FAM171A1: variants seen among roughly 807,000 people sequenced by gnomAD.
The protein encoded by FAM171A1 is protein FAM171A1.
FAM171A1 carries 23 observed loss-of-function variants against 74.9 expected under a neutral mutation model. The ratio of observed to expected loss-of-function variants is 0.31; its 90% CI spans 0.22 to 0.44. The LOEUF (loss-of-function observed/expected upper bound fraction) is 0.44. Ranked by LOEUF, FAM171A1 falls within the 20% of genes least tolerant of loss-of-function variation. FAM171A1 has a pLI of 1.00. For synonymous variants in FAM171A1, 527 were observed against 505.7 expected (o/e 1.04, Z -0.57); for missense variants, 1,162 against 1,159.2 (o/e 1.00, Z -0.03).
intron 4 of FAM171A1, among the ~76,000 whole-genome samples, chr10:15,251,525 C>T (rs553796560): frequency 4.6e-5 from 7 of 151,952 alleles, no homozygotes; most frequent in Non-Finnish European, 7.4e-5. Context: ...GCCTCAGCCT[C>T]CTGAGTAGCT....
At chr10:15,335,184 C>T (rs1588559894) in intron 1 of FAM171A1, among the ~76,000 whole-genome samples, 1 of 152,180 alleles carries the variant, frequency 6.6e-6, no homozygotes, top group Admixed American at 6.5e-5. Context: ...GTGGAATTTG[C>T]AGTGAGCAGA....
chr10:15,314,660 G>A (rs1167288322), intron 1 of FAM171A1, among the ~76,000 whole-genome samples: 6 of 152,176 alleles, frequency 3.9e-5, no homozygotes, highest in Admixed American at 2.6e-4. Flanking sequence ...CTATTATTTC[G>A]GGGGAAAGAG....
chr10:15,250,458 A>C (rs1834493323), intron 4 of FAM171A1, among the ~76,000 whole-genome samples: 1 of 152,224 alleles, frequency 6.6e-6, no homozygotes, highest in Non-Finnish European at 1.5e-5. Flanking sequence ...AGGAAGATGG[A>C]ACTTACAACT....
At chr10:15,339,831 A>T (rs1835743836) in intron 1 of FAM171A1, among the ~76,000 whole-genome samples, 1 of 152,216 alleles carries the variant, frequency 6.6e-6, no homozygotes, top group Non-Finnish European at 1.5e-5. Flanking sequence ...ATGGACTCAC[A>T]GTTCCGTGTG....
chr10:15,355,806 G>A (rs1410346970), intron 1 of FAM171A1, among the ~76,000 whole-genome samples: 2 of 151,984 alleles, frequency 1.3e-5, no homozygotes, highest in African/African-American at 4.8e-5. Flanking sequence ...CATACCTGTG[G>A]CATGCAAATA....
At chr10:15,345,662 T>A (rs1426831711) in intron 1 of FAM171A1, among the ~76,000 whole-genome samples, 1 of 152,086 alleles carries the variant, frequency 6.6e-6, no homozygotes, top group Non-Finnish European at 1.5e-5. Context: ...AGTGAAGCCC[T>A]GGTGCAAAGG....
chr10:15,216,214 G>A (rs1019332410), intron 6 of FAM171A1, 104 bp from the exon 7 acceptor site: 1 of 701,364 alleles, frequency 1.4e-6, no homozygotes, highest in African/African-American at 1.8e-5. Context: ...TCTTAGCTGG[G>A]GCATAGAGCA....
intron 4 of FAM171A1, among the ~76,000 whole-genome samples, chr10:15,250,701 A>G (rs1441125717): frequency 6.6e-6 from 1 of 152,230 alleles, no homozygotes; most frequent in Admixed American, 6.5e-5. Context: ...TGAAGGCTGC[A>G]GTGAGCTATG....
chr10:15,221,985 C>T (rs1327874505), intron 5 of FAM171A1, among the ~76,000 whole-genome samples: 1 of 152,206 alleles, frequency 6.6e-6, no homozygotes, highest in East Asian at 1.9e-4. Context: ...TGGGCTATTT[C>T]CCAGCCAAAA....
chr10:15,226,420 C>T (rs1834108460), intron 5 of FAM171A1, among the ~76,000 whole-genome samples: 1 of 152,106 alleles, frequency 6.6e-6, no homozygotes, highest in Non-Finnish European at 1.5e-5. Context: ...ATTTGAACCC[C>T]CTCTTTAATG....
intron 3 of FAM171A1, among the ~76,000 whole-genome samples, chr10:15,270,706 T>C (rs1376149105): frequency 4.6e-5 from 7 of 152,148 alleles, no homozygotes; most frequent in African/African-American, 7.2e-5. Flanking sequence ...GGCAGCAACA[T>C]TTGCTGTTCT....
intron 1 of FAM171A1, among the ~76,000 whole-genome samples, chr10:15,314,516 A>G (rs1038035032): frequency 6.6e-6 from 1 of 152,094 alleles, no homozygotes; most frequent in African/African-American, 2.4e-5. Context: ...ACTGTCCAAT[A>G]CCCCTGGCTT....
chr10:15,348,059 T>A (rs1455454234), intron 1 of FAM171A1, among the ~76,000 whole-genome samples: 1 of 151,998 alleles, frequency 6.6e-6, no homozygotes, highest in Admixed American at 6.6e-5. Flanking sequence ...TTCACTGCAA[T>A]CACCACTTTC....
intron 3 of FAM171A1, among the ~76,000 whole-genome samples, chr10:15,263,881 A>G (rs1258225651): frequency 2.0e-5 from 3 of 150,722 alleles, no homozygotes; most frequent in African/African-American, 7.4e-5. Context: ...CTATCTATCT[A>G]TCTATCTATC....
chr10:15,361,558 C>T (rs535240699), intron 1 of FAM171A1, among the ~76,000 whole-genome samples: 27 of 152,248 alleles, frequency 1.8e-4, no homozygotes, highest in African/African-American at 6.5e-4. Flanking sequence ...TGGTGTGCAC[C>T]TGTAGTCCCA....
chr10:15,229,841 C>T (rs1203256533), intron 5 of FAM171A1, among the ~76,000 whole-genome samples: 680 of 34,476 alleles, frequency 0.02, no homozygotes, highest in South Asian at 0.031. Flanking sequence ...TCATCACCAC[C>T]ATCACCATCA....
intron 3 of FAM171A1, among the ~76,000 whole-genome samples, chr10:15,256,416 T>C (rs1286105552): frequency 6.6e-6 from 1 of 152,190 alleles, no homozygotes; most frequent in African/African-American, 2.4e-5. Context: ...ATGCTCCCTC[T>C]TCCTTTTAAA....
chr10:15,286,020 C>T (rs1187121066), intron 1 of FAM171A1, among the ~76,000 whole-genome samples: 1 of 152,162 alleles, frequency 6.6e-6, no homozygotes, highest in African/African-American at 2.4e-5. Context: ...ATCTCTAGGC[C>T]CCAGTTTCCC....
chr10:15,218,167 C>T (rs1202793428), intron 6 of FAM171A1, among the ~76,000 whole-genome samples: 7 of 151,956 alleles, frequency 4.6e-5, no homozygotes, highest in African/African-American at 1.7e-4. Flanking sequence ...GCAACCTCTG[C>T]CTCCCAGGTT....
Sources: gnomAD v4.1 joint callset for allele counts (sites outside exome capture counted in the v4.1 genomes callset) on GRCh38, gnomAD v4.1.1 for gene constraint, MANE v1.5 for transcripts, NCBI Gene and HGNC (gene_info 2026-07-23, HGNC 2026-07-21) for gene names.